The following PRDM11 variants were observed in gnomAD, a reference collection of about 807,000 sequenced individuals.
PRDM11 encodes PR/SET domain 11.
A neutral mutation model predicts 97.8 loss-of-function variants in PRDM11; 20 were observed. The ratio of observed to expected loss-of-function variants is 0.20; its 90% confidence interval spans 0.14 to 0.30. PRDM11 has a LOEUF of 0.30. Among genes scored for constraint, PRDM11 ranks in the 10% least tolerant of loss-of-function variants. The pLI is 1.00. For missense variants in PRDM11, 1,139 were observed against 1,555.2 expected, an observed-to-expected ratio of 0.73 and a Z score of 4.50; for synonymous variants, 599 against 637.7, an observed-to-expected ratio of 0.94 and a Z score of 0.91.
rs1371856165 is a variant in PRDM11 at position 45,228,258 on chromosome 11, T to G, written c.*99T>G. On this transcript the variant is annotated 3_prime_UTR_variant, in exon 8 of 8. Coordinates refer to ENST00000683152, the MANE Select transcript of PRDM11 (RefSeq NM_001384648.1). The stretch of plus-strand genomic sequence containing the variant: ...TATAAATATATATTATATTATATTA[T>G]ATTATATTATATATATATATATATA... 1 of 297,554 alleles carries G rather than the reference T, an allele frequency of 3.4e-6. No individual in the cohort carries two copies. The highest frequency in any genetic ancestry group is 2.4e-5 in the African/African-American group (1 of 41,262). 18.4% of individuals were successfully genotyped at this position (297,554 alleles called of 1,614,324 possible).
chr11:45,213,399 C>A (rs1190299026), intron 5 of PRDM11: 1 of 445,498 alleles, frequency 2.2e-6, no homozygotes, highest in Admixed American at 2.4e-5. Context: ...AACCTTGGGG[C>A]TGCTGCATCG....
intron 4 of PRDM11, among the ~76,000 whole-genome samples, chr11:45,184,457 TAG>T (rs1852630498): frequency 6.6e-6 from 1 of 152,184 alleles, no homozygotes; most frequent in Non-Finnish European, 1.5e-5. Context: ...GGGAGTTCTG[TAG>T]TCGGCAATGG....
intron 1 of PRDM11, among the ~76,000 whole-genome samples, chr11:45,096,904 A>G (rs979041580): frequency 3.9e-5 from 6 of 152,180 alleles, no homozygotes; most frequent in Non-Finnish European, 7.3e-5. Flanking sequence ...ATCTCACATG[A>G]TCTTCATGCC....
intron 1 of PRDM11, among the ~76,000 whole-genome samples, chr11:45,107,978 C>T (rs1474640234): frequency 6.6e-6 from 1 of 152,062 alleles, no homozygotes; most frequent in Non-Finnish European, 1.5e-5. Flanking sequence ...TACAGGTCTA[C>T]ACCACCATGC....
intron 1 of PRDM11, among the ~76,000 whole-genome samples, chr11:45,168,969 G>A (rs1852135653): frequency 6.6e-6 from 1 of 152,190 alleles, no homozygotes; most frequent in Admixed American, 6.5e-5. Context: ...GGTACTTGGA[G>A]TTGTGGAGCC....
rs1383553560 is a variant in PRDM11, at chr11:45,126,501, T to C, written c.96+30600T>C. Among the ~76,000 whole-genome samples, 5 of 152,160 alleles carry C rather than the reference T, an allele frequency of 3.3e-5. No individual in the cohort carries two copies. The East Asian group carries it at 7.7e-4, about 23-fold the overall frequency. ...GGTTGTTCCTTTCCATGTTTAGTGC[T>C]TCCTTCAGGAGCTCTTTTACGGCAG... On this transcript the variant is annotated intron_variant, in intron 1 of 6. Coordinates refer to the PRDM11 transcript ENST00000530656.
intron 7 of PRDM11, chr11:45,225,061 C>T: frequency 2.1e-6 from 3 of 1,439,508 alleles, no homozygotes; most frequent in South Asian, 1.5e-5. Flanking sequence ...CTTGTATCCT[C>T]CTTGTCAATA....
intron 4 of PRDM11, among the ~76,000 whole-genome samples, chr11:45,202,007 CTA>C (rs1853347268): frequency 6.6e-6 from 1 of 152,080 alleles, no homozygotes; most frequent in Non-Finnish European, 1.5e-5. Context: ...CAGGGTCTCG[CTA>C]TGTTGCCCAG....
At position 45,178,432 on chromosome 11, in the gene PRDM11, C is replaced by A. The variant is rs186209137; in HGVS notation, c.-6-3329C>A. ...TAATTCCATCCTACCCCCTAGTGCTCCATCCTACCCCCCAGTGCACCTCTG... is the reference window on the plus strand; with the variant it reads ...TAATTCCATCCTACCCCCTAGTGCTACATCCTACCCCCCAGTGCACCTCTG... On this transcript the variant is annotated intron_variant, in intron 1 of 7. Transcript: ENST00000683152. Among the ~76,000 whole-genome samples the A allele has an allele frequency of 7.3e-4, 111 of 152,258 alleles. 2 individuals are homozygous for A. The East Asian group carries it at 0.018, about 25-fold the overall frequency.
Position 45,231,170 on chromosome 11 carries a change from T to A in PRDM11, c.*3011T>A, listed in dbSNP as rs948739818. 6.6e-6 allele frequency: 1 copy of A among 152,188 alleles called. No individual in the cohort carries two copies. Among genetic ancestry groups the A allele is most frequent in the African/African-American group, 2.4e-5 (1 of 41,448 alleles). The allele number at this position is 152,188 out of a possible 1,614,324, so 9.4% of individuals were successfully genotyped here. On this transcript the variant is annotated 3_prime_UTR_variant, in exon 8 of 8. Transcript: ENST00000683152. ...CACACTGCCATGGGACAGGGAATAATTTGGGTGATACACCACTGCAATTTA... is the reference window on the plus strand; with the variant it reads ...CACACTGCCATGGGACAGGGAATAAATTGGGTGATACACCACTGCAATTTA...
intron 4 of PRDM11, among the ~76,000 whole-genome samples, chr11:45,193,338 G>A (rs1852982434): frequency 6.6e-6 from 1 of 152,040 alleles, no homozygotes; most frequent in South Asian, 2.1e-4. Flanking sequence ...TTTTTTGTTG[G>A]CTCATAGCAA....
In PRDM11 at chr11:45,227,001, G is replaced by A. The variant is rs1186407243; in HGVS notation, c.2376G>A (p.Leu792=). The A allele has an allele frequency of 2.0e-6, 3 of 1,533,952 alleles. No individual in the cohort carries two copies. Among genetic ancestry groups the A allele is most frequent in the South Asian group, 2.4e-5 (2 of 83,964 alleles). ...EELENNLKQL[L]SFYRYSPRLM... is the part of the protein sequence containing the mutation. ...TGGAGAACAACCTGAAGCAGCTGCT[G>A]AGCTTCTACCGCTACTCACCGCGCC... The change falls in exon 8 of 8, where the codon CTG becomes CTA. Residue 792 remains leucine, a synonymous_variant. Coordinates refer to ENST00000683152, the MANE Select transcript of PRDM11 (RefSeq NM_001384648.1). The surrounding 1 kb of genome is among the most constrained non-coding windows in gnomAD (Gnocchi z 8.0).
At position 45,096,964 on chromosome 11, in the gene PRDM11, C is replaced by A. The variant is rs569128582; in HGVS notation, c.96+1063C>A. 1.8e-4 allele frequency among the ~76,000 whole-genome samples: 28 copies of A among 152,318 alleles called. No individual in the cohort carries two copies. In the South Asian group the frequency reaches 5.8e-3, roughly 32 times the overall value. On this transcript the variant is annotated intron_variant, in intron 1 of 6. Coordinates refer to the PRDM11 transcript ENST00000530656. Reference sequence around the variant, plus strand: ...TGGCCATGCACCAGTCTCCTTGCTCCTCTGAGCCTCCTTTTTCTCATCTGG... The same window carrying A: ...TGGCCATGCACCAGTCTCCTTGCTCATCTGAGCCTCCTTTTTCTCATCTGG...
In PRDM11 at chr11:45,158,822, C is replaced by A. The variant is rs945062078; in HGVS notation, c.-7+11945C>A. Reference sequence around the variant, plus strand: ...CCCCCCCTTCTCTAAGGACAGACACCCTGAGCCTGTTGTGCATGGCTTCTG... The same window carrying A: ...CCCCCCCTTCTCTAAGGACAGACACACTGAGCCTGTTGTGCATGGCTTCTG... On this transcript the variant is annotated intron_variant, in intron 1 of 7. Transcript: ENST00000683152. Among the ~76,000 whole-genome samples, 147 of 152,216 alleles carry A rather than the reference C, an allele frequency of 9.7e-4. 1 individual carries two copies. Among genetic ancestry groups the A allele is most frequent in the Middle Eastern group, 3.4e-3 (1 of 294 alleles).
At chr11:45,199,236 A>T (rs1853239694) in intron 4 of PRDM11, among the ~76,000 whole-genome samples, 1 of 152,148 alleles carries the variant, frequency 6.6e-6, no homozygotes, top group South Asian at 2.1e-4. Flanking sequence ...CCACTGAGTG[A>T]GGAAGTCCTT....
chr11:45,154,529 G>A (rs1302846018), intron 1 of PRDM11, among the ~76,000 whole-genome samples: 2 of 152,238 alleles, frequency 1.3e-5, no homozygotes, highest in East Asian at 3.9e-4. Context: ...GGGGCAGATA[G>A]CTGCTGCCCA....
intron 1 of PRDM11, among the ~76,000 whole-genome samples, chr11:45,112,980 T>C (rs1252151784): frequency 6.6e-6 from 1 of 152,164 alleles, no homozygotes; most frequent in Non-Finnish European, 1.5e-5. Flanking sequence ...TTTATTTTTG[T>C]TTTTGTTGCA....
chr11:45,162,633 G>A (rs982513954), intron 1 of PRDM11, among the ~76,000 whole-genome samples: 1 of 152,202 alleles, frequency 6.6e-6, no homozygotes, highest in African/African-American at 2.4e-5. Context: ...GCATCATGAG[G>A]TAGATACAGC....
At position 45,179,189 on chromosome 11, in the gene PRDM11, C is replaced by T. The variant is rs554063503; in HGVS notation, c.-6-2572C>T. On this transcript the variant is annotated intron_variant, in intron 1 of 7. Coordinates refer to ENST00000683152, the MANE Select transcript of PRDM11 (RefSeq NM_001384648.1). The stretch of plus-strand genomic sequence containing the variant: ...CCATGCAAAGCAGTCCTCAGCAGTC[C>T]GTTCCAATAAAGCGTCAGAGTTTCC... Among the ~76,000 whole-genome samples, 44 of 152,172 alleles carry T rather than the reference C, an allele frequency of 2.9e-4. No individual in the cohort carries two copies. In the East Asian group the frequency reaches 7.9e-3, roughly 27 times the overall value.
Sources: gnomAD v4.1 joint callset for allele counts (sites outside exome capture counted in the v4.1 genomes callset) on GRCh38, gnomAD v4.1.1 for gene constraint, Gnocchi (gnomAD v3.1) non-coding constraint, MANE v1.5 for transcripts, NCBI Gene and HGNC (gene_info 2026-07-23, HGNC 2026-07-21) for gene names.